CUX1: variants seen among roughly 807,000 people sequenced by gnomAD.
CUX1 encodes protein CASP.
CUX1 carries 31 observed loss-of-function variants against 158.8 expected under a neutral mutation model. The observed-to-expected ratio is 0.20, with a 90% CI of 0.15 to 0.26. The LOEUF (loss-of-function observed/expected upper bound fraction) is 0.26. Among genes scored for constraint, CUX1 ranks in the 10% least tolerant of loss-of-function variants. The probability of loss-of-function intolerance (pLI) is 1.00; values close to 1 mark genes in which losing one functional copy is unlikely to be tolerated. For synonymous variants in CUX1, 879 were observed against 862.1 expected (o/e 1.02, Z -0.34); for missense variants, 1,589 against 2,014.6 (o/e 0.79, Z 4.04).
intron 8 of CUX1, among the ~76,000 whole-genome samples, chr7:102,116,651 A>G (rs965914337): frequency 6.6e-6 from 1 of 152,066 alleles, no homozygotes; most frequent in South Asian, 2.1e-4. Flanking sequence ...CCCTAAAAAA[A>G]TTTTTAAAAT....
At chr7:102,063,007 A>AT (rs1161129203) in intron 3 of CUX1, among the ~76,000 whole-genome samples, 1 of 152,112 alleles carries the variant, frequency 6.6e-6, no homozygotes, top group African/African-American at 2.4e-5. Context: ...CGGGAAGCTG[A>AT]TACAGAAGAA....
At chr7:102,132,237 G>A (rs888314133) in intron 8 of CUX1, among the ~76,000 whole-genome samples, 1 of 151,438 alleles carries the variant, frequency 6.6e-6, no homozygotes, top group African/African-American at 2.4e-5. Flanking sequence ...CAGACGGATG[G>A]GCAGATGGAT....
intron 2 of CUX1, among the ~76,000 whole-genome samples, chr7:102,005,221 A>C (rs1817188507): frequency 6.6e-6 from 1 of 152,132 alleles, no homozygotes; most frequent in Non-Finnish European, 1.5e-5. Context: ...AAAACTCTAG[A>C]GATGCATTAA....
intron 2 of CUX1, among the ~76,000 whole-genome samples, chr7:101,949,946 C>T (rs772116972): frequency 3.2e-4 from 49 of 152,106 alleles, no homozygotes; most frequent in Non-Finnish European, 5.0e-4. Flanking sequence ...GCTGGTGTCT[C>T]CTGGGCATCA....
At chr7:102,159,785 C>T (rs1210483200) in intron 9 of CUX1, among the ~76,000 whole-genome samples, 4 of 152,104 alleles carry the variant, frequency 2.6e-5, no homozygotes, top group African/African-American at 9.7e-5. Context: ...CACTTGAACC[C>T]TGGAGGCAGC....
chr7:102,273,312 C>T, intron 14 of CUX1: 1 of 1,589,278 alleles, frequency 6.3e-7, no homozygotes, highest in South Asian at 1.1e-5. Flanking sequence ...CAGGGGAGGG[C>T]ACCAAGGGTC....
chr7:102,249,263 CG>C lies in CUX1; in HGVS notation c.*224del. 9.4e-6 allele frequency: 10 copies of C among 1,061,068 alleles called. No homozygotes were observed. The highest frequency in any genetic ancestry group is 1.1e-5 in the Non-Finnish European group (10 of 877,848). 65.7% of individuals were successfully genotyped at this position (1,061,068 alleles called of 1,614,324 possible). The stretch of plus-strand genomic sequence containing the variant: ...CGCGGCCCAGACCCACTCTGCGGCC[CG>C]GGCCGACCCTGCGGCCTCCACCAAC... On this transcript the variant is annotated 3_prime_UTR_variant, in exon 24 of 24. Transcript: ENST00000292535.
chr7:102,178,504 A>G lies in CUX1; in HGVS notation c.864A>G (p.Leu288=). 6.2e-7 allele frequency: 1 copy of G among 1,612,364 alleles called. No homozygotes were observed. The highest frequency in any genetic ancestry group is 2.2e-5 in the East Asian group (1 of 44,828). Residue 288 remains leucine, a synonymous_variant, in exon 11 of 24, where the codon CTA becomes CTG. Coordinates refer to ENST00000292535, the MANE Select transcript of CUX1 (RefSeq NM_181552.4). ...QAIEVLTRSS[L]EVELAAKERE... ...TAGAGGTGCTGACCCGCTCCAGCCT[A>G]GAAGTTGAGTTGGCCGCCAAGGAGC...
chr7:102,127,481 T>G (rs1374444751), intron 8 of CUX1, among the ~76,000 whole-genome samples: 1 of 152,170 alleles, frequency 6.6e-6, no homozygotes, highest in African/African-American at 2.4e-5. Flanking sequence ...CTGAGTGGGA[T>G]TATAGGCATG....
chr7:102,245,950 C>A (rs1351520017), intron 23 of CUX1, among the ~76,000 whole-genome samples: 1 of 149,064 alleles, frequency 6.7e-6, no homozygotes, highest in African/African-American at 2.5e-5. Context: ...CCAGCCTGGG[C>A]GTCAGAGTGA....
intron 8 of CUX1, among the ~76,000 whole-genome samples, chr7:102,156,381 A>AG (rs1375332604): frequency 3.9e-5 from 6 of 152,148 alleles, no homozygotes; most frequent in Non-Finnish European, 8.8e-5. Context: ...ATAGGGTCAA[A>AG]GGGGAGGTGG....
In CUX1 at chr7:102,082,154, C is replaced by T. The variant is rs1827487484; in HGVS notation, c.268+11737C>T. 2.0e-5 allele frequency among the ~76,000 whole-genome samples: 3 copies of T among 147,188 alleles called. No homozygotes were observed. In the Admixed American group the frequency reaches 2.1e-4, roughly 10 times the overall value. ...TCACTGCACTCACACCTCCACCTAA[C>T]GTCCTTTGCACAGCAGGCAGACGGG... On this transcript the variant is annotated intron_variant, in intron 4 of 23. Coordinates refer to ENST00000292535, the MANE Select transcript of CUX1 (RefSeq NM_181552.4).
At chr7:101,875,829 C>CT (rs1007318827) in intron 1 of CUX1, among the ~76,000 whole-genome samples, 1,561 of 147,164 alleles carry the variant, frequency 0.011, 21 homozygotes, top group African/African-American at 0.036. Flanking sequence ...ATTTAGCACT[C>CT]TTTTTTTTTT....
chr7:102,198,050 T>A, intron 15 of CUX1, among the ~76,000 whole-genome samples: 1 of 152,102 alleles, frequency 6.6e-6, no homozygotes, highest in Non-Finnish European at 1.5e-5. Flanking sequence ...GTCCAGGAGT[T>A]CAAGACCAGC....
chr7:102,031,140 C>A (rs183875112), intron 3 of CUX1, among the ~76,000 whole-genome samples: 1 of 152,186 alleles, frequency 6.6e-6, no homozygotes, highest in African/African-American at 2.4e-5. Context: ...CTCACCACAA[C>A]CTCCACCTCC....
Position 102,168,918 on chromosome 7 carries a change from C to CTTTTTTTTTTTTTTTTT in CUX1, c.724-1524_724-1523insTTTTTTTTTTTTTTTTT, listed in dbSNP as rs1239519322. On this transcript the variant is annotated intron_variant, in intron 9 of 23. Coordinates refer to ENST00000292535, the MANE Select transcript of CUX1 (RefSeq NM_181552.4). ...CTTTTCTTTTCTTTTCTTTTATTTT[C>CTTTTTTTTTTTTTTTTT]TTTTCTTTTCTTTTATTTTCTTTTT... Among the ~76,000 whole-genome samples, 13 of 84,128 alleles carry CTTTTTTTTTTTTTTTTT rather than the reference C, an allele frequency of 1.5e-4. 2 individuals are homozygous for CTTTTTTTTTTTTTTTTT. The highest frequency in any genetic ancestry group is 4.8e-4 in the African/African-American group (7 of 14,460). 55.2% of individuals were successfully genotyped at this position (84,128 alleles called of 152,430 possible).
chr7:102,271,434 C>T (rs1372814342), intron 14 of CUX1, among the ~76,000 whole-genome samples: 2 of 152,220 alleles, frequency 1.3e-5, no homozygotes, highest in African/African-American at 4.8e-5. Flanking sequence ...CCGCTGTCCA[C>T]CTCCCATCCT....
At chr7:102,168,913 ATTTTCTTTTC>A (rs1165450105) in intron 9 of CUX1, among the ~76,000 whole-genome samples, 1 of 109,850 alleles carries the variant, frequency 9.1e-6, no homozygotes, top group East Asian at 2.2e-4. Context: ...CTTTTCTTTT[ATTTTCTTTTC>A]TTTTCTTTTA....
At position 102,104,534 on chromosome 7, in the gene CUX1, T is replaced by C. The variant is rs77780492; in HGVS notation, c.530+75T>C. ...AACTTCACATCATCAGACATGTTGATAAATGGATCTGCAAAATAAGCCCAG... is the reference window on the plus strand; with the variant it reads ...AACTTCACATCATCAGACATGTTGACAAATGGATCTGCAAAATAAGCCCAG... On this transcript the variant is annotated intron_variant, in intron 6 of 23. Coordinates refer to ENST00000292535, the MANE Select transcript of CUX1 (RefSeq NM_181552.4). 4.5e-4 allele frequency: 701 copies of C among 1,555,038 alleles called. 2 individuals carry two copies. In the African/African-American group the frequency reaches 8.8e-3, roughly 19 times the overall value.
Sources: allele counts gnomAD v4.1 joint callset (sites outside exome capture counted in the v4.1 genomes callset), GRCh38; gene constraint gnomAD v4.1.1; transcripts MANE v1.5; gene names NCBI Gene and HGNC (gene_info 2026-07-23, HGNC 2026-07-21).